The following USP42 variants were observed in gnomAD, a reference collection of about 807,000 sequenced individuals.
USP42 encodes the protein ubiquitin carboxyl-terminal hydrolase 42.
In USP42, 23 loss-of-function variants were observed where a neutral mutation model predicts 113.0. The observed-to-expected ratio is 0.20, with a 90% CI of 0.15 to 0.29. USP42 has a LOEUF of 0.29. USP42 is among the 10% of genes least tolerant of loss of function. The pLI, the probability that USP42 is intolerant of heterozygous loss-of-function variation, is 1.00. For missense variants in USP42, 2,174 were observed against 1,779.8 expected (o/e 1.22, Z -3.99); for synonymous variants, 933 against 699.0 (o/e 1.33, Z -5.28).
rs1392360996 is a variant in USP42, at chr7:6,159,521, ATTGT to A, written c.*36+33_*36+36del. The A allele has an allele frequency of 1.9e-6, 3 of 1,606,572 alleles. No individual in the cohort carries two copies. Among genetic ancestry groups the A allele is most frequent in the Non-Finnish European group, 2.6e-6 (3 of 1,173,706 alleles). The stretch of plus-strand genomic sequence containing the variant: ...AAGCTGTTTTCCTGTCTGTTTCCTC[ATTGT>A]TTGTGGTGGCGCTGAGGGGACGCAG... On this transcript the variant is annotated intron_variant, in intron 17 of 17. Coordinates refer to ENST00000306177, the MANE Select transcript of USP42 (RefSeq NM_032172.3). This position sits in a 1 kb window ranked among gnomAD's most constrained non-coding sequence, Gnocchi z 4.1.
At chr7:6,140,270 G>T (rs752587116) in intron 6 of USP42, 75 bp downstream of exon 6, 3 of 1,355,118 alleles carry the variant, frequency 2.2e-6, no homozygotes, top group Non-Finnish European at 3.1e-6. Context: ...GACAGGGTTA[G>T]TCCTACTAGG....
intron 4 of USP42, among the ~76,000 whole-genome samples, chr7:6,137,641 A>T (rs1781219176): frequency 6.6e-6 from 1 of 151,932 alleles, no homozygotes; most frequent in Non-Finnish European, 1.5e-5. Flanking sequence ...TACAGACGTG[A>T]GCCACCATGC....
chr7:6,158,771 C>T lies in USP42; in HGVS notation c.3944-679C>T, dbSNP rs939563334. 9.2e-5 allele frequency among the ~76,000 whole-genome samples: 14 copies of T among 152,252 alleles called. No individual in the cohort carries two copies. The East Asian group carries it at 1.5e-3, about 17-fold the overall frequency. On this transcript the variant is annotated intron_variant, in intron 16 of 17. Transcript: ENST00000306177. This position sits in a 1 kb window ranked among gnomAD's most constrained non-coding sequence, Gnocchi z 4.2. Reference sequence around the variant, plus strand: ...GAGGGCTGCTTGGTACCCGAGGATCCGAGGATGCAGTGGATGGGCTCATTC... The same window carrying T: ...GAGGGCTGCTTGGTACCCGAGGATCTGAGGATGCAGTGGATGGGCTCATTC...
intron 3 of USP42, among the ~76,000 whole-genome samples, chr7:6,123,617 C>A (rs545476970): frequency 8.6e-5 from 13 of 151,940 alleles, no homozygotes; most frequent in Non-Finnish European, 1.5e-4. Flanking sequence ...GAGCCGAGAT[C>A]GCGCCACTGC....
intron 8 of USP42, 32 bp downstream of exon 8, chr7:6,143,046 C>T (rs1298531013): frequency 1.2e-6 from 2 of 1,610,708 alleles, no homozygotes; most frequent in African/African-American, 1.3e-5. Context: ...TTCTTGATGC[C>T]GGCTTCTCCA....
Position 6,143,000 on chromosome 7 carries a change from G to T in USP42, c.864G>T (p.Ser288=), listed in dbSNP as rs376220078. 4.3e-6 allele frequency: 7 copies of T among 1,613,940 alleles called. No individual in the cohort carries two copies. The highest frequency in any genetic ancestry group is 1.1e-5 in the South Asian group (1 of 91,088). ...CGGAACAGCTTGATGGAGAAAACTC[G>T]TACAAGTGCAGCAAGTACGTTGGGT... ...VKPEQLDGEN[S]YKCSKCKKMV... The change falls in exon 8 of 18, where the codon TCG becomes TCT. Residue 288 remains serine (S), a synonymous_variant. Transcript: ENST00000306177.
chr7:6,138,783 C>T (rs1781294414), intron 4 of USP42, among the ~76,000 whole-genome samples: 1 of 152,182 alleles, frequency 6.6e-6, no homozygotes, highest in Admixed American at 6.5e-5. Flanking sequence ...AGGTTCCATG[C>T]TCCTTAGGAG....
intron 1 of USP42, 82 bp from the exon 2 acceptor site, chr7:6,111,043 G>C: frequency 7.2e-7 from 1 of 1,397,314 alleles, no homozygotes. Context: ...TGGCTGGAAT[G>C]ATCTTCCAAG....
At position 6,159,061 on chromosome 7, in the gene USP42, C is replaced by T. The variant is rs1782623548; in HGVS notation, c.3944-389C>T. 1.3e-5 allele frequency among the ~76,000 whole-genome samples: 2 copies of T among 152,176 alleles called. No homozygotes were observed. Among genetic ancestry groups the T allele is most frequent in the Non-Finnish European group, 2.9e-5 (2 of 68,026 alleles). On this transcript the variant is annotated intron_variant, in intron 16 of 17. Coordinates refer to ENST00000306177, the MANE Select transcript of USP42 (RefSeq NM_032172.3). The surrounding 1 kb of genome is among the most constrained non-coding windows in gnomAD (Gnocchi z 4.1). ...CTTTCTTGTCCTTCTGAGAAGGCCG[C>T]TGCCCGGCCCCGCCTCACCCAGCGT...
At chr7:6,117,046 G>A (rs1200072138) in intron 3 of USP42, 1 of 329,230 alleles carries the variant, frequency 3.0e-6, no homozygotes, top group Non-Finnish European at 5.9e-6. Context: ...AAGTATAATT[G>A]ATATATACCA....
At chr7:6,085,608 A>T in the USP42 span, among the ~76,000 whole-genome samples, 1 of 137,028 alleles carries the variant, frequency 7.3e-6, no homozygotes, top group East Asian at 2.0e-4. Flanking sequence ...ATACAAATAT[A>T]TATATATATA....
At chr7:6,147,275 C>T (rs984011545) in intron 11 of USP42, among the ~76,000 whole-genome samples, 1 of 151,944 alleles carries the variant, frequency 6.6e-6, no homozygotes, top group African/African-American at 2.4e-5. Flanking sequence ...TAAGCCTGGG[C>T]AACAAAGCGA....
At chr7:6,146,950 C>A (rs77749212) in intron 11 of USP42, among the ~76,000 whole-genome samples, 9 of 152,360 alleles carry the variant, frequency 5.9e-5, no homozygotes, top group Admixed American at 5.9e-4. Flanking sequence ...CAGTTGCCTT[C>A]CAGGCCAAGG....
rs1231002040 is a variant in USP42, at chr7:6,161,454, G to GAGAT, written c.*937_*940dup. On this transcript the variant is annotated 3_prime_UTR_variant, in exon 18 of 18. Transcript: ENST00000306177. The stretch of plus-strand genomic sequence containing the variant: ...TGGTTTATACAGTTTGTGTTGTTCA[G>GAGAT]AGATGTTTAAAGTTTGATCTTTGTT... 6.6e-6 allele frequency: 1 copy of GAGAT among 152,580 alleles called. No homozygotes were observed. The highest frequency in any genetic ancestry group is 1.5e-5 in the Non-Finnish European group (1 of 68,032). 9.5% of individuals were successfully genotyped at this position (152,580 alleles called of 1,614,324 possible).
intron 14 of USP42, among the ~76,000 whole-genome samples, chr7:6,152,403 C>T (rs542846119): frequency 8.5e-5 from 13 of 152,364 alleles, no homozygotes; most frequent in African/African-American, 2.9e-4. Context: ...CAGTGACACA[C>T]CCGTAGTTTT....
intron 3 of USP42, among the ~76,000 whole-genome samples, chr7:6,118,160 G>A (rs1455979616): frequency 3.9e-5 from 6 of 152,044 alleles, no homozygotes; most frequent in Admixed American, 1.3e-4. Context: ...TTGGGAGAAC[G>A]AGGCAGGTAG....
chr7:6,139,823 G>T lies in USP42; in HGVS notation c.657-305G>T. On this transcript the variant is annotated intron_variant, in intron 5 of 17. Coordinates refer to ENST00000306177, the MANE Select transcript of USP42 (RefSeq NM_032172.3). The surrounding 1 kb of genome is among the most constrained non-coding windows in gnomAD (Gnocchi z 4.5). ...CTCCGCTCCCTTTCCTCCCACACAG[G>T]CCGCAGTGCCCGGAGGCTGCCATCT... The T allele has an allele frequency of 2.2e-6, 1 of 451,486 alleles. No individual in the cohort carries two copies. Among genetic ancestry groups the T allele is most frequent in the Non-Finnish European group, 4.0e-6 (1 of 247,950 alleles). 28.0% of individuals were successfully genotyped at this position (451,486 alleles called of 1,614,324 possible).
chr7:6,082,446 C>A, the USP42 span, among the ~76,000 whole-genome samples: 2 of 145,350 alleles, frequency 1.4e-5, no homozygotes, highest in Admixed American at 6.7e-5. Flanking sequence ...TATTTATCCA[C>A]CTAAACATAT....
Position 6,149,985 on chromosome 7 carries a change from T to C in USP42, c.1789T>C (p.Ser597Pro), listed in dbSNP as rs1250534548. The change falls in exon 13 of 18, where the codon TCC becomes CCC. Residue 597 changes from serine (S) to proline (P), a missense_variant. By Grantham distance (74) the Ser-to-Pro change is moderately conservative. Transcript: ENST00000306177. The stretch of plus-strand genomic sequence containing the variant: ...CTCCCAGCCCGTGATGAATGGCAAA[T>C]CCAAGCTGAACTCCAGCGTGCTGGT... Reference protein sequence around the residue: ...SCSQPVMNGKSKLNSSVLVPY... With the variant: ...SCSQPVMNGKPKLNSSVLVPY... The C allele has an allele frequency of 6.2e-7, 1 of 1,613,770 alleles. No individual in the cohort carries two copies.
Sources: allele counts gnomAD v4.1 joint callset (sites outside exome capture counted in the v4.1 genomes callset), GRCh38; gene constraint gnomAD v4.1.1; non-coding constraint Gnocchi (gnomAD v3.1); transcripts MANE v1.5; gene names NCBI Gene and HGNC (gene_info 2026-07-23, HGNC 2026-07-21).